Variants in MUSK observed in about 807,000 individuals in gnomAD.
MUSK encodes muscle, skeletal receptor tyrosine-protein kinase.
A neutral mutation model predicts 88.7 loss-of-function variants in MUSK; 55 were observed. The ratio of observed to expected loss-of-function variants is 0.62; its 90% CI spans 0.50 to 0.78. The LOEUF (loss-of-function observed/expected upper bound fraction) is 0.78, where lower values mean the gene tolerates loss of function less well. Ranked by LOEUF, MUSK falls within the 30% of genes least tolerant of loss-of-function variation. MUSK has a pLI of 0.00. For missense variants in MUSK, 1,015 were observed against 1,074.3 expected (o/e 0.94, Z 0.77); for synonymous variants, 387 against 391.9 (o/e 0.99, Z 0.15).
chr9:110,805,524 T>C lies in MUSK; in HGVS notation c.*4536T>C, dbSNP rs1199434629. 6.6e-6 allele frequency among the ~76,000 whole-genome samples: 1 copy of C among 152,058 alleles called. No homozygotes were observed. Among genetic ancestry groups the C allele is most frequent in the Admixed American group, 6.5e-5 (1 of 15,274 alleles). On this transcript the variant is annotated 3_prime_UTR_variant, in exon 15 of 15. Coordinates refer to ENST00000374448, the MANE Select transcript of MUSK (RefSeq NM_005592.4). ...TCTACTGGGTATATCTTTTTCTTGT[T>C]GCTTTGTAAGAGCACTTTATATATT...
At chr9:110,670,542 G>T (rs1233433335) in intron 1 of MUSK, among the ~76,000 whole-genome samples, 2 of 152,042 alleles carry the variant, frequency 1.3e-5, no homozygotes, top group Non-Finnish European at 2.9e-5. Flanking sequence ...ATTCTAGAAA[G>T]AATTGATTTT....
chr9:110,713,546 C>G (rs960990828), intron 5 of MUSK, among the ~76,000 whole-genome samples: 9 of 152,084 alleles, frequency 5.9e-5, no homozygotes, highest in East Asian at 1.9e-4. Flanking sequence ...AGGTGTGAGC[C>G]ACCATGCCTA....
chr9:110,762,187 C>A lies in MUSK; in HGVS notation c.914-15C>A. 1 of 1,441,470 alleles carries A rather than the reference C, an allele frequency of 6.9e-7. No individual in the cohort carries two copies. Among genetic ancestry groups the A allele is most frequent in the Admixed American group, 2.2e-5 (1 of 44,736 alleles). The allele number at this position is 1,441,470 out of a possible 1,614,324, so 89.3% of individuals were successfully genotyped here. On this transcript the variant is annotated splice_polypyrimidine_tract_variant and intron_variant, in intron 7 of 14. Coordinates refer to ENST00000374448, the MANE Select transcript of MUSK (RefSeq NM_005592.4). ...TAATTTGACTTCCTGTGGGAACTTC[C>A]TTTCCTGTTAATAGAATGGAGGTAA... is the stretch of plus-strand genomic sequence containing the variant.
intron 5 of MUSK, among the ~76,000 whole-genome samples, chr9:110,711,268 T>G (rs1425383419): frequency 6.6e-6 from 1 of 152,034 alleles, no homozygotes; most frequent in East Asian, 1.9e-4. Flanking sequence ...TAAAAAAAAT[T>G]TAGTGCCTGG....
At chr9:110,727,626 C>A in intron 5 of MUSK, 1 of 208,134 alleles carries the variant, frequency 4.8e-6, no homozygotes, top group East Asian at 1.2e-4. Context: ...CCTTGGCACC[C>A]ATGATGCGGT....
At chr9:110,677,810 G>T (rs1165555805) in intron 1 of MUSK, among the ~76,000 whole-genome samples, 1 of 152,078 alleles carries the variant, frequency 6.6e-6, no homozygotes, top group African/African-American at 2.4e-5. Context: ...TCTACTAATG[G>T]TTTTCAAGTA....
chr9:110,751,265 A>T (rs568677840), intron 7 of MUSK, among the ~76,000 whole-genome samples: 1 of 152,310 alleles, frequency 6.6e-6, no homozygotes, highest in East Asian at 1.9e-4. Context: ...GAACACCAAC[A>T]GGGAAATCTG....
At chr9:110,687,391 G>A in intron 3 of MUSK, 123 bp downstream of exon 3, 3 of 1,148,774 alleles carry the variant, frequency 2.6e-6, no homozygotes, top group Non-Finnish European at 3.7e-6. Flanking sequence ...CTGGAGTGCA[G>A]TGGCATGATC....
intron 13 of MUSK, among the ~76,000 whole-genome samples, chr9:110,786,342 G>C (rs565374112): frequency 8.8e-4 from 131 of 149,684 alleles, no homozygotes; most frequent in African/African-American, 3.1e-3. Flanking sequence ...AGAAAAACTA[G>C]TTAATTCTTT....
chr9:110,708,328 T>C (rs1004851478), intron 5 of MUSK, among the ~76,000 whole-genome samples: 3 of 152,166 alleles, frequency 2.0e-5, no homozygotes, highest in African/African-American at 7.2e-5. Flanking sequence ...CTGCAGCTCT[T>C]AATATCACAA....
At chr9:110,783,359 A>C (rs747670198) in intron 11 of MUSK, among the ~76,000 whole-genome samples, 20 of 152,048 alleles carry the variant, frequency 1.3e-4, no homozygotes, top group Admixed American at 3.3e-4. Flanking sequence ...TATCTCTTTC[A>C]AGACTAAAAG....
chr9:110,690,329 T>G (rs2076323107), intron 3 of MUSK, among the ~76,000 whole-genome samples: 1 of 95,434 alleles, frequency 1.0e-5, no homozygotes, highest in East Asian at 3.1e-4. Context: ...AATATATATT[T>G]AAATATAAGT....
In MUSK at chr9:110,690,283, AAT is replaced by A. The variant is rs1321148825; in HGVS notation, c.358+3023_358+3024del. On this transcript the variant is annotated intron_variant, in intron 3 of 14. Transcript: ENST00000374448. ...ATATATATTTAAGTACAAATATATA[AAT>A]ATATATAAATATATATTTAAGTATA... 1.1e-3 allele frequency among the ~76,000 whole-genome samples: 113 copies of A among 99,936 alleles called. 2 individuals carry two copies. Among genetic ancestry groups the A allele is most frequent in the African/African-American group, 4.5e-3 (109 of 24,334 alleles). The allele number at this position is 99,936 out of a possible 152,430, so 65.6% of individuals were successfully genotyped here. A position where few individuals can be genotyped will look rare whatever the true frequency, so the allele number is the denominator to read the frequency against.
chr9:110,678,585 G>T (rs1408280298), intron 1 of MUSK, among the ~76,000 whole-genome samples: 2 of 152,030 alleles, frequency 1.3e-5, no homozygotes, highest in African/African-American at 4.8e-5. Flanking sequence ...TATTGTTGAT[G>T]ATTTTACCCC....
intron 5 of MUSK, among the ~76,000 whole-genome samples, chr9:110,711,541 T>C (rs1160534920): frequency 6.6e-6 from 1 of 152,224 alleles, no homozygotes; most frequent in Non-Finnish European, 1.5e-5. Context: ...AATGAATAGA[T>C]ACTGCAGACG....
chr9:110,720,711 A>T (rs751994235), intron 5 of MUSK, among the ~76,000 whole-genome samples: 7 of 152,164 alleles, frequency 4.6e-5, no homozygotes, highest in Non-Finnish European at 1.0e-4. Context: ...CACAAGATAG[A>T]CAAAGAGGGA....
chr9:110,799,031 T>C (rs1213515592), intron 14 of MUSK, among the ~76,000 whole-genome samples: 2 of 152,158 alleles, frequency 1.3e-5, no homozygotes, highest in African/African-American at 4.8e-5. Flanking sequence ...GTTGATGAGA[T>C]AGGTAAGTCC....
intron 11 of MUSK, among the ~76,000 whole-genome samples, chr9:110,779,280 T>C (rs943508923): frequency 1.3e-5 from 2 of 152,164 alleles, no homozygotes; most frequent in African/African-American, 4.8e-5. Context: ...CTCCTGAATT[T>C]ATTTCTCAAT....
At chr9:110,761,451 C>A (rs1227569757) in intron 7 of MUSK, among the ~76,000 whole-genome samples, 7 of 151,806 alleles carry the variant, frequency 4.6e-5, no homozygotes, top group Admixed American at 2.6e-4. Flanking sequence ...CAACCATTGC[C>A]TACTTTCTCT....
Sources: allele counts gnomAD v4.1 joint callset (sites outside exome capture counted in the v4.1 genomes callset), GRCh38; gene constraint gnomAD v4.1.1; transcripts MANE v1.5; gene names NCBI Gene and HGNC (gene_info 2026-07-23, HGNC 2026-07-21).